The following DAB1 variants were observed in gnomAD, a reference collection of about 807,000 sequenced individuals.
DAB1 encodes DAB adaptor protein 1.
DAB1 carries 15 observed loss-of-function variants against 64.6 expected under a neutral mutation model. The observed-to-expected ratio is 0.23, with a 90% CI of 0.16 to 0.36. The LOEUF is 0.36. Among genes scored for constraint, DAB1 ranks in the 10% least tolerant of loss-of-function variants. DAB1 has a pLI of 1.00. For synonymous variants in DAB1, 235 were observed against 251.9 expected (o/e 0.93, Z 0.64); for missense variants, 596 against 706.7 (o/e 0.84, Z 1.78).
At chr1:57,331,100 TAA>T (rs796646746) in intron 1 of DAB1, among the ~76,000 whole-genome samples, 4 of 152,314 alleles carry the variant, frequency 2.6e-5, no homozygotes, top group African/African-American at 9.6e-5. Context: ...AAATTAGGAA[TAA>T]GTCTGAACAA....
At chr1:57,429,311 C>T (rs552488683) in intron 7 of DAB1, among the ~76,000 whole-genome samples, 2 of 152,250 alleles carry the variant, frequency 1.3e-5, no homozygotes, top group South Asian at 4.1e-4. Context: ...CCATTCAGGT[C>T]CTTTGCCCGT....
intron 5 of DAB1, among the ~76,000 whole-genome samples, chr1:57,996,953 T>C (rs989272446): frequency 3.3e-5 from 5 of 152,046 alleles, no homozygotes; most frequent in South Asian, 2.1e-4. Flanking sequence ...CAGAGCAGGA[T>C]AGAGATCCGC....
chr1:58,392,999 G>C (rs1280352032), intron 3 of DAB1, among the ~76,000 whole-genome samples: 2 of 151,808 alleles, frequency 1.3e-5, no homozygotes, highest in African/African-American at 4.8e-5. Context: ...GTCAGAGTTG[G>C]GATTGGTCAG....
At chr1:57,103,125 C>T (rs563745868) in intron 4 of DAB1, among the ~76,000 whole-genome samples, 4 of 152,182 alleles carry the variant, frequency 2.6e-5, no homozygotes, top group Admixed American at 2.0e-4. Context: ...GTGCTAACAG[C>T]TGGAAGCACA....
intron 6 of DAB1, among the ~76,000 whole-genome samples, chr1:57,650,092 C>T (rs192623193): frequency 1.1e-4 from 17 of 152,182 alleles, no homozygotes; most frequent in Admixed American, 7.2e-4. Context: ...GTCTTAAAAG[C>T]GATCAGACCC....
In DAB1 at chr1:57,101,118, C is replaced by T. The variant is rs527739727; in HGVS notation, c.307-28704G>A. On this transcript the variant is annotated intron_variant, in intron 4 of 14. Transcript: ENST00000371236. ...TCACCACAGGAGGCACTCTATCCTT[C>T]TTACCCCTGGCATGGTACTGGGTCT... 1.4e-4 allele frequency among the ~76,000 whole-genome samples: 22 copies of T among 152,232 alleles called. 1 individual carries two copies. The highest frequency in any genetic ancestry group is 6.8e-3 in the Middle Eastern group (2 of 292).
chr1:58,109,660 T>C (rs569182705), intron 5 of DAB1, among the ~76,000 whole-genome samples: 25 of 152,044 alleles, frequency 1.6e-4, no homozygotes, highest in African/African-American at 6.0e-4. Context: ...GCCAAGGGCG[T>C]AAGGCTATGG....
intron 7 of DAB1, among the ~76,000 whole-genome samples, chr1:57,647,564 CA>C (rs1289850078): frequency 1.3e-5 from 2 of 152,152 alleles, no homozygotes; most frequent in African/African-American, 2.4e-5. Context: ...CTGACCAAGC[CA>C]GGAGGATACT....
At chr1:57,937,851 G>C (rs572835077) in intron 5 of DAB1, among the ~76,000 whole-genome samples, 18 of 152,284 alleles carry the variant, frequency 1.2e-4, no homozygotes, top group Admixed American at 1.1e-3. Context: ...GTCTGATGTG[G>C]TTCCTCTGTT....
At chr1:57,418,512 C>T (rs184206419) in intron 1 of DAB1, among the ~76,000 whole-genome samples, 5 of 152,286 alleles carry the variant, frequency 3.3e-5, no homozygotes, top group Admixed American at 2.6e-4. Context: ...TTGCAAGACT[C>T]ACTACAGGTG....
At chr1:57,076,564 T>C (rs1370065150) in intron 4 of DAB1, among the ~76,000 whole-genome samples, 1 of 152,204 alleles carries the variant, frequency 6.6e-6, no homozygotes, top group African/African-American at 2.4e-5. Context: ...GAACTTCAGG[T>C]CACCTGTGCT....
At chr1:58,129,887 A>C (rs1040234344) in intron 5 of DAB1, among the ~76,000 whole-genome samples, 2 of 147,926 alleles carry the variant, frequency 1.4e-5, no homozygotes, top group African/African-American at 5.0e-5. Context: ...CTATGTGGTC[A>C]ATTTTGGAAT....
intron 6 of DAB1, among the ~76,000 whole-genome samples, chr1:57,780,585 AAG>A (rs1390240442): frequency 9.2e-6 from 1 of 108,936 alleles, no homozygotes; most frequent in Admixed American, 8.6e-5. Flanking sequence ...GAAGACAAAA[AAG>A]AAAAAAAATC....
chr1:57,592,233 G>A (rs932844895), intron 7 of DAB1, among the ~76,000 whole-genome samples: 2 of 152,184 alleles, frequency 1.3e-5, no homozygotes, highest in Admixed American at 1.3e-4. Context: ...CTTAGGCTAT[G>A]TCTTCTGGGA....
chr1:58,204,532 C>T (rs1658163542), intron 4 of DAB1, among the ~76,000 whole-genome samples: 1 of 152,072 alleles, frequency 6.6e-6, no homozygotes, highest in Non-Finnish European at 1.5e-5. Context: ...AGCCCAATAC[C>T]AGGGGTGATG....
At chr1:57,944,379 A>C (rs1304774683) in intron 5 of DAB1, among the ~76,000 whole-genome samples, 1 of 152,136 alleles carries the variant, frequency 6.6e-6, no homozygotes, top group Non-Finnish European at 1.5e-5. Context: ...CTTGCTCTTC[A>C]GCACTTACTT....
At chr1:58,245,252 T>A (rs151310160) in intron 4 of DAB1, among the ~76,000 whole-genome samples, 2,205 of 152,272 alleles carry the variant, frequency 0.014, 169 homozygotes, top group Admixed American at 0.12. Context: ...TGTACTAAAG[T>A]GAAAGCAGAA....
intron 7 of DAB1, among the ~76,000 whole-genome samples, chr1:57,511,245 T>C (rs72676933): frequency 2.0e-5 from 3 of 152,312 alleles, no homozygotes; most frequent in African/African-American, 4.8e-5. Context: ...CATATTTCTA[T>C]GAAAAATAAC....
intron 4 of DAB1, among the ~76,000 whole-genome samples, chr1:58,338,907 A>C (rs1663185936): frequency 2.0e-5 from 3 of 152,226 alleles, no homozygotes. Context: ...AGCCAGACAC[A>C]AAAGGTCACA....
Sources: gnomAD v4.1 joint callset for allele counts (sites outside exome capture counted in the v4.1 genomes callset) on GRCh38, gnomAD v4.1.1 for gene constraint, MANE v1.5 for transcripts, NCBI Gene and HGNC (gene_info 2026-07-23, HGNC 2026-07-21) for gene names.